The following DCHS2 variants were observed in gnomAD, a reference collection of about 807,000 sequenced individuals.
DCHS2 encodes protocadherin-23.
In DCHS2, 142 loss-of-function variants were observed where a neutral mutation model predicts 182.4. That is an observed-to-expected ratio of 0.78 (90% CI 0.68 to 0.89). The LOEUF (loss-of-function observed/expected upper bound fraction) is 0.89. DCHS2 is among the 40% of genes least tolerant of loss of function. DCHS2 has a pLI of 0.00. For missense variants in DCHS2, 4,319 were observed against 4,198.6 expected, an observed-to-expected ratio of 1.03 and a Z score of -0.79; for synonymous variants, 1,740 against 1,663.3, an observed-to-expected ratio of 1.05 and a Z score of -1.12.
intron 1 of DCHS2, among the ~76,000 whole-genome samples, chr4:154,464,797 G>T (rs1363741213): frequency 6.6e-6 from 1 of 152,132 alleles, no homozygotes; most frequent in African/African-American, 2.4e-5. Flanking sequence ...ACAAAGGGTT[G>T]GGGAAAGCCC....
intron 14 of DCHS2, chr4:154,269,129 GAA>G (rs1560999223): frequency 6.6e-6 from 1 of 152,180 alleles, no homozygotes; most frequent in Admixed American, 6.5e-5. Flanking sequence ...GGCTACCTCA[GAA>G]AGGTTGCTGA....
intron 13 of DCHS2, among the ~76,000 whole-genome samples, chr4:154,273,170 A>C (rs1733676087): frequency 6.6e-6 from 1 of 152,142 alleles, no homozygotes; most frequent in African/African-American, 2.4e-5. Context: ...AGCACAATTC[A>C]CAATTGCAAA....
chr4:154,304,739 CT>C lies in DCHS2; in HGVS notation c.5534del (p.Glu1845GlyfsTer7), dbSNP rs1735373743. On this transcript the variant is annotated frameshift_variant, in exon 12 of 20. Transcript: ENST00000357232. LOFTEE classifies it high-confidence loss of function. Reference protein sequence around the residue: ...DIEVLENQEPEVVYTVLASDM... With the variant: ...DIEVLENQEPXVVYTVLASDM... ...CAGAGGCTAAAACCGTATAGACAACCTCTGGTTCCTGGTTTTCCAGAACCTC... is the reference window on the plus strand; with the variant it reads ...CAGAGGCTAAAACCGTATAGACAACCCTGGTTCCTGGTTTTCCAGAACCTC... 6.2e-7 allele frequency: 1 copy of C among 1,613,898 alleles called. No homozygotes were observed. Among genetic ancestry groups the C allele is most frequent in the African/African-American group, 1.3e-5 (1 of 74,916 alleles).
chr4:154,383,039 A>G (rs937069746), intron 1 of DCHS2, among the ~76,000 whole-genome samples: 6 of 152,248 alleles, frequency 3.9e-5, no homozygotes, highest in Non-Finnish European at 7.3e-5. Context: ...ATGCACTTGC[A>G]TATTCATCAC....
chr4:154,423,270 T>A (rs1733184944), intron 1 of DCHS2, among the ~76,000 whole-genome samples: 1 of 152,214 alleles, frequency 6.6e-6, no homozygotes, highest in Non-Finnish European at 1.5e-5. Flanking sequence ...GATTTCTGTA[T>A]CCTGGACTTT....
At chr4:154,447,740 T>C (rs1392987174) in intron 1 of DCHS2, among the ~76,000 whole-genome samples, 1 of 152,184 alleles carries the variant, frequency 6.6e-6, no homozygotes, top group Non-Finnish European at 1.5e-5. Context: ...AAAACTATTA[T>C]ATGATGGTCA....
At chr4:154,357,191 G>T in intron 3 of DCHS2, 2 of 1,487,946 alleles carry the variant, frequency 1.3e-6, no homozygotes, top group South Asian at 1.1e-5. Flanking sequence ...TTCTGACTCT[G>T]GCTTTTTTGG....
chr4:154,388,437 T>C (rs1731514641), intron 1 of DCHS2, among the ~76,000 whole-genome samples: 1 of 151,176 alleles, frequency 6.6e-6, no homozygotes, highest in African/African-American at 2.4e-5. Flanking sequence ...ATGTGGGGAA[T>C]AGGTGATTTT....
At chr4:154,349,043 A>C (rs914066582) in intron 3 of DCHS2, among the ~76,000 whole-genome samples, 2 of 152,058 alleles carry the variant, frequency 1.3e-5, no homozygotes, top group African/African-American at 4.8e-5. Context: ...ATGACAGTTA[A>C]ATCAGGCAGT....
At position 154,491,152 on chromosome 4, in the gene DCHS2, G is replaced by A. The variant is rs1490955512; in HGVS notation, c.204C>T (p.Asn68=). ...AASGSSAQLF[N]LTLSVDEGLP... ...GCCCCTCATCTACGGAAAGGGTGAG[G>A]TTGAACAACTGGGCAGAGGAGCCCG... The change falls in exon 1 of 20, where the codon AAC becomes AAT. Residue 68 remains asparagine (N), a synonymous_variant. Coordinates refer to ENST00000357232, the MANE Select transcript of DCHS2 (RefSeq NM_001358235.2). 3.2e-6 allele frequency: 5 copies of A among 1,551,254 alleles called. No homozygotes were observed. The highest frequency in any genetic ancestry group is 4.4e-6 in the Non-Finnish European group (5 of 1,146,834).
intron 1 of DCHS2, among the ~76,000 whole-genome samples, chr4:154,460,314 G>A (rs1734959028): frequency 6.6e-6 from 1 of 152,180 alleles, no homozygotes; most frequent in Non-Finnish European, 1.5e-5. Flanking sequence ...TGTCAATGCT[G>A]ATACAAACAT....
chr4:154,303,565 G>C (rs1267598768), intron 12 of DCHS2, among the ~76,000 whole-genome samples: 1 of 151,422 alleles, frequency 6.6e-6, no homozygotes, highest in Non-Finnish European at 1.5e-5. Flanking sequence ...GAGGTAGAAA[G>C]GGGGTGAGGC....
chr4:154,474,376 G>T (rs938336992), intron 1 of DCHS2, among the ~76,000 whole-genome samples: 1 of 152,132 alleles, frequency 6.6e-6, no homozygotes, highest in Non-Finnish European at 1.5e-5. Context: ...AGGCAGTGTG[G>T]TGTCCCCCAG....
chr4:154,483,960 C>A (rs1310094593), intron 1 of DCHS2, among the ~76,000 whole-genome samples: 1 of 152,176 alleles, frequency 6.6e-6, no homozygotes, highest in Non-Finnish European at 1.5e-5. Context: ...GTTAGTAGTT[C>A]TGAAGCTCTA....
intron 13 of DCHS2, among the ~76,000 whole-genome samples, chr4:154,271,005 A>G (rs2111206804): frequency 6.6e-6 from 1 of 152,290 alleles, no homozygotes; most frequent in East Asian, 1.9e-4. Context: ...TCAGTTAGGT[A>G]TAGGAATTGG....
chr4:154,391,313 C>T (rs932365293), intron 1 of DCHS2: 25 of 1,570,854 alleles, frequency 1.6e-5, no homozygotes, highest in Admixed American at 3.7e-5. Context: ...TAAATATCTC[C>T]TATATGAGGG....
At chr4:154,392,730 G>T (rs1013275817) in intron 1 of DCHS2, among the ~76,000 whole-genome samples, 1 of 152,276 alleles carries the variant, frequency 6.6e-6, no homozygotes, top group Middle Eastern at 3.4e-3. Context: ...CACTTTTACA[G>T]AACTGTATAT....
rs754488367 is a variant in DCHS2, at chr4:154,329,671, C to T, written c.3770G>A (p.Arg1257Gln). 1.2e-5 allele frequency: 20 copies of T among 1,612,036 alleles called. No homozygotes were observed. Among genetic ancestry groups the T allele is most frequent in the Middle Eastern group, 2.2e-4 (1 of 4,566 alleles). Residue 1257 changes from arginine (R) to glutamine (Q), a missense_variant, in exon 6 of 20, where the codon CGG (arginine) becomes CAG (glutamine). Coordinates refer to ENST00000357232, the MANE Select transcript of DCHS2 (RefSeq NM_001358235.2). ...INWVALDREH[R>Q]GHHEMTVLVT... ...TAGCACAGTCATCTCATGGTGCCCC[C>T]GGTGCTCACGATCCAGTGCCACCCA...
intron 10 of DCHS2, among the ~76,000 whole-genome samples, chr4:154,308,567 A>G (rs1735543084): frequency 6.6e-6 from 1 of 152,208 alleles, no homozygotes. Context: ...ACCACTGAAT[A>G]GTTACCTTGG....
Sources: allele counts gnomAD v4.1 joint callset (sites outside exome capture counted in the v4.1 genomes callset), GRCh38; gene constraint gnomAD v4.1.1; transcripts MANE v1.5; gene names NCBI Gene and HGNC (gene_info 2026-07-23, HGNC 2026-07-21).